Variants in RERE observed in about 807,000 individuals in gnomAD.
RERE encodes the protein arginine-glutamic acid dipeptide repeats, also known as arginine-glutamic acid dipeptide repeats protein.
Under a neutral mutation model 146.1 loss-of-function variants are expected in RERE, and 40 were observed. The observed-to-expected ratio is 0.27, with a 90% CI of 0.21 to 0.36. The LOEUF (loss-of-function observed/expected upper bound fraction) is 0.36. Among genes scored for constraint, RERE ranks in the 10% least tolerant of loss-of-function variants. RERE has a pLI of 1.00. For synonymous variants in RERE, 1,003 were observed against 866.0 expected, an observed-to-expected ratio of 1.16 and a Z score of -2.78; for missense variants, 1,933 against 2,138.7, an observed-to-expected ratio of 0.90 and a Z score of 1.90.
chr1:8,541,657 G>C (rs17027165), intron 6 of RERE, among the ~76,000 whole-genome samples: 4,284 of 152,058 alleles, frequency 0.028, 174 homozygotes, highest in African/African-American at 0.097. Flanking sequence ...TCAGTTTAAA[G>C]CCTTTCTAAA....
chr1:8,723,965 T>C (rs1464039467), intron 1 of RERE, among the ~76,000 whole-genome samples: 1 of 152,206 alleles, frequency 6.6e-6, no homozygotes, highest in Non-Finnish European at 1.5e-5. Context: ...TTATATCAAA[T>C]GAATCTATAT....
intron 1 of RERE, among the ~76,000 whole-genome samples, chr1:8,772,772 C>T (rs896505254): frequency 2.6e-5 from 4 of 151,714 alleles, no homozygotes; most frequent in Admixed American, 6.6e-5. Flanking sequence ...GAGCAAGACT[C>T]GGTCTCAAAA....
In RERE at chr1:8,422,810, G is replaced by A. The variant is rs1291754621; in HGVS notation, c.1204-3C>T. ...CTGAGTCCCTTAACGAAGCGTTTCT[G>A]TGATAAAAAGAAACAAATGGGATGT... On this transcript the variant is annotated splice_polypyrimidine_tract_variant and splice_region_variant and intron_variant, in intron 11 of 22. Coordinates refer to ENST00000400908, the MANE Select transcript of RERE (RefSeq NM_001042681.2). 6.2e-7 allele frequency: 1 copy of A among 1,610,608 alleles called. No homozygotes were observed. Among genetic ancestry groups the A allele is most frequent in the Non-Finnish European group, 8.5e-7 (1 of 1,177,030 alleles).
At chr1:8,377,330 CTGTT>C (rs1642291313) in intron 12 of RERE, among the ~76,000 whole-genome samples, 1 of 152,084 alleles carries the variant, frequency 6.6e-6, no homozygotes. Context: ...TTTTACTGAA[CTGTT>C]TGTTTAAATA....
chr1:8,794,918 T>A (rs896566456), intron 1 of RERE, among the ~76,000 whole-genome samples: 2 of 152,092 alleles, frequency 1.3e-5, no homozygotes, highest in African/African-American at 4.8e-5. Flanking sequence ...GCTCAGGTGA[T>A]CATCCCATCT....
intron 1 of RERE, among the ~76,000 whole-genome samples, chr1:8,715,463 A>G (rs1432088737): frequency 6.6e-6 from 1 of 152,018 alleles, no homozygotes; most frequent in South Asian, 2.1e-4. Flanking sequence ...GTAAGCCGAG[A>G]TTGCACCATT....
intron 8 of RERE, among the ~76,000 whole-genome samples, chr1:8,506,457 T>C (rs1645251260): frequency 1.3e-5 from 2 of 152,248 alleles, no homozygotes; most frequent in South Asian, 4.1e-4. Context: ...AGAGTTAAAA[T>C]AGGTTATTTA....
intron 10 of RERE, among the ~76,000 whole-genome samples, chr1:8,490,972 C>A (rs1281200578): frequency 6.6e-6 from 1 of 150,508 alleles, no homozygotes; most frequent in Admixed American, 6.6e-5. Flanking sequence ...ATAAATCTTA[C>A]CTCAATAAGT....
chr1:8,390,154 T>C (rs891867214), intron 12 of RERE, among the ~76,000 whole-genome samples: 3 of 152,130 alleles, frequency 2.0e-5, no homozygotes, highest in South Asian at 2.1e-4. Context: ...AGCAGAGCCA[T>C]GTGCCACAAC....
Position 8,361,370 on chromosome 1 carries a change from G to A in RERE, c.2137C>T (p.Pro713Ser). 6.2e-7 allele frequency: 1 copy of A among 1,613,764 alleles called. No individual in the cohort carries two copies. Among genetic ancestry groups the A allele is most frequent in the Non-Finnish European group, 8.5e-7 (1 of 1,179,810 alleles). The change falls in exon 18 of 23, where the codon CCG becomes TCG. Residue 713 changes from proline to serine, a missense_variant. Physicochemically the swap from Pro to Ser is moderately conservative, Grantham distance 74. Transcript: ENST00000400908. ...DIDQDNRSTSPSIPSPQDNES... is the reference protein window; with the variant it reads ...DIDQDNRSTSSSIPSPQDNES... ...TTGTCCTGGGGGCTGGGGATGCTCGGGGACGTGCTGCGATTGTCCTGGTCG... is the reference window on the plus strand; with the variant it reads ...TTGTCCTGGGGGCTGGGGATGCTCGAGGACGTGCTGCGATTGTCCTGGTCG...
chr1:8,410,795 C>T (rs1643594003), intron 12 of RERE, among the ~76,000 whole-genome samples: 1 of 152,212 alleles, frequency 6.6e-6, no homozygotes, highest in African/African-American at 2.4e-5. Context: ...TTAATATCCA[C>T]ACTACATTGT....
At chr1:8,581,308 A>G (rs1265336311) in intron 4 of RERE, among the ~76,000 whole-genome samples, 1 of 152,166 alleles carries the variant, frequency 6.6e-6, no homozygotes, top group East Asian at 1.9e-4. Context: ...GTCAATTTTA[A>G]AACACTGATT....
At position 8,355,455 on chromosome 1, in the gene RERE, T is replaced by C. The variant is rs778270403; in HGVS notation, c.4631A>G (p.His1544Arg). Residue 1544 changes from histidine to arginine, a missense_variant, in exon 22 of 23, where the codon CAT becomes CGT. Physicochemically the swap from His to Arg is conservative, Grantham distance 29. Transcript: ENST00000400908. ...TTCCTGACTTGGTAGGTGGCCACCA[T>C]GCATGTGGGGGTGTCCATGCAGCCA... ...QQWLHGHPHMHGGHLPSQEDY... is the reference protein window; with the variant it reads ...QQWLHGHPHMRGGHLPSQEDY... 1.2e-6 allele frequency: 2 copies of C among 1,612,944 alleles called. No individual in the cohort carries two copies. The highest frequency in any genetic ancestry group is 1.7e-5 in the Admixed American group (1 of 60,004).
At chr1:8,599,706 G>T (rs115796695) in intron 4 of RERE, among the ~76,000 whole-genome samples, 341 of 152,202 alleles carry the variant, frequency 2.2e-3, no homozygotes, top group African/African-American at 8.0e-3. Flanking sequence ...TGTAAGAAGG[G>T]CTCTTTTTAA....
chr1:8,815,313 T>C (rs1641890002), intron 1 of RERE, among the ~76,000 whole-genome samples: 5 of 152,212 alleles, frequency 3.3e-5, no homozygotes, highest in African/African-American at 9.7e-5. Flanking sequence ...AAACATCATC[T>C]TGCTAAATAT....
intron 1 of RERE, among the ~76,000 whole-genome samples, chr1:8,757,586 T>C (rs539318074): frequency 1.3e-5 from 2 of 152,174 alleles, no homozygotes; most frequent in Admixed American, 6.5e-5. Flanking sequence ...TGTATTCCTG[T>C]CTTTCTCAAC....
chr1:8,783,204 A>G (rs1641197227), intron 1 of RERE, among the ~76,000 whole-genome samples: 1 of 152,072 alleles, frequency 6.6e-6, no homozygotes, highest in Admixed American at 6.6e-5. Context: ...GCATGGTGGC[A>G]CATGCCTATA....
At chr1:8,652,074 G>A (rs1647659332) in intron 2 of RERE, among the ~76,000 whole-genome samples, 1 of 152,104 alleles carries the variant, frequency 6.6e-6, no homozygotes, top group South Asian at 2.1e-4. Flanking sequence ...GTTTGGAGAA[G>A]GCAGCTAACT....
chr1:8,386,022 A>ATATTTTTT (rs1186333936), intron 12 of RERE, among the ~76,000 whole-genome samples: 1 of 26,636 alleles, frequency 3.8e-5, no homozygotes, highest in Non-Finnish European at 6.0e-5. Context: ...ATATATATAT[A>ATATTTTTT]TTTTTTTTTT....
Sources: gnomAD v4.1 joint callset for allele counts (sites outside exome capture counted in the v4.1 genomes callset) on GRCh38, gnomAD v4.1.1 for gene constraint, MANE v1.5 for transcripts, NCBI Gene and HGNC (gene_info 2026-07-23, HGNC 2026-07-21) for gene names.